The following PLCE1 variants were observed in gnomAD, a reference collection of about 807,000 sequenced individuals.
The protein encoded by PLCE1 is 1-phosphatidylinositol 4,5-bisphosphate phosphodiesterase epsilon-1.
PLCE1 carries 119 observed loss-of-function variants against 242.8 expected under a neutral mutation model. That is an observed-to-expected ratio of 0.49 (90% confidence interval 0.42 to 0.57). The LOEUF is 0.57. Ranked by LOEUF, PLCE1 falls within the 20% of genes least tolerant of loss-of-function variation. PLCE1 has a pLI of 0.00. For missense variants in PLCE1, 2,441 were observed against 2,788.8 expected (o/e 0.88, Z 2.81); for synonymous variants, 945 against 1,017.4 (o/e 0.93, Z 1.35).
chr10:94,040,351 A>G (rs1258986613), intron 2 of PLCE1, among the ~76,000 whole-genome samples: 1 of 152,122 alleles, frequency 6.6e-6, no homozygotes, highest in Non-Finnish European at 1.5e-5. Context: ...CTTTCTGCCT[A>G]AATGTTGTTA....
At position 94,031,234 on chromosome 10, in the gene PLCE1, A is replaced by T; in HGVS notation, c.188A>T (p.Glu63Val). ...TCACAACTGAACAAACTTAAAGAAG[A>T]ACCTTCTGGAAGCAACTTGCCAAAG... ...TISQLNKLKE[E>V]PSGSNLPKIL... The change falls in exon 2 of 33, where the codon GAA (glutamate) becomes GTA (valine). Residue 63 changes from glutamate to valine, a missense_variant. By Grantham distance (121) the Glu-to-Val change is moderately radical. Transcript: ENST00000371380. 1 of 1,613,850 alleles carries T rather than the reference A, an allele frequency of 6.2e-7. No individual in the cohort carries two copies. The highest frequency in any genetic ancestry group is 8.5e-7 in the Non-Finnish European group (1 of 1,179,850).
Position 94,262,554 on chromosome 10 carries a change from C to G in PLCE1, c.3875C>G (p.Ser1292Trp). The G allele has an allele frequency of 6.2e-7, 1 of 1,614,042 alleles. No individual in the cohort carries two copies. ...GLFIKSKQQL[S>W]DNQRQISDAI... ...TTCATTAAGAGTAAACAGCAGCTAT[C>G]GGACAACCAGAGGCAGATATCTGAT... is the stretch of plus-strand genomic sequence containing the variant. Residue 1292 changes from serine (S) to tryptophan (W), a missense_variant, in exon 14 of 33, where the codon TCG becomes TGG. Ser to Trp is a radical substitution (Grantham distance 177). Around this residue, in one of 5 missense-constraint regions of PLCE1, gnomAD observed 1,004 missense variants for 1,322.7 expected, o/e 0.76. Coordinates refer to ENST00000371380, the MANE Select transcript of PLCE1 (RefSeq NM_016341.4).
chr10:94,032,323 C>A, intron 2 of PLCE1, 71 bp downstream of exon 2: 1 of 1,377,304 alleles, frequency 7.3e-7, no homozygotes, highest in Non-Finnish European at 1.0e-6. Context: ...TCCAAATTTC[C>A]ATTGTCATAA....
rs1426341472 is a variant in PLCE1 at position 94,081,787 on chromosome 10, G to A, written c.1206+49535G>A. On this transcript the variant is annotated intron_variant, in intron 2 of 32. Coordinates refer to ENST00000371380, the MANE Select transcript of PLCE1 (RefSeq NM_016341.4). ...TCATACAGCTAGGAGGTAATTAACA[G>A]AGTCTGGGGTCAAACCCCAGTCCCA... 2.6e-5 allele frequency among the ~76,000 whole-genome samples: 4 copies of A among 152,310 alleles called. No individual in the cohort carries two copies. The East Asian group carries it at 5.8e-4, about 22-fold the overall frequency.
At chr10:94,267,153 T>C (rs1447942292) in intron 16 of PLCE1, among the ~76,000 whole-genome samples, 2 of 152,236 alleles carry the variant, frequency 1.3e-5, no homozygotes, top group Non-Finnish European at 2.9e-5. Context: ...ATATTTCATA[T>C]ACACATTTGT....
At chr10:94,102,158 G>T (rs1446473229) in intron 2 of PLCE1, among the ~76,000 whole-genome samples, 1 of 152,180 alleles carries the variant, frequency 6.6e-6, no homozygotes, top group Non-Finnish European at 1.5e-5. Flanking sequence ...CAAGCATTAG[G>T]CTATGCCCAT....
chr10:94,235,968 T>A lies in PLCE1; in HGVS notation c.2268T>A (p.Asn756Lys), dbSNP rs768199585. ...ATTTCTTACAACGAGTGGGACAAAA[T>A]GGCTTAAAGAATTCGGAGAAGGAGT... ...QDNFLQRVGQ[N>K]GLKNSEKEST... The change falls in exon 7 of 33, where the codon AAT (asparagine) becomes AAA (lysine). Residue 756 changes from asparagine (N) to lysine (K), a missense_variant. Around this residue, in one of 5 missense-constraint regions of PLCE1, gnomAD observed 733 missense variants for 754.2 expected, o/e 0.97. Transcript: ENST00000371380. The A allele has an allele frequency of 1.9e-6, 3 of 1,613,932 alleles. No individual in the cohort carries two copies.
intron 29 of PLCE1, among the ~76,000 whole-genome samples, chr10:94,319,639 C>T (rs2053706517): frequency 6.6e-6 from 1 of 152,120 alleles, no homozygotes; most frequent in Non-Finnish European, 1.5e-5. Flanking sequence ...CTTCTGTAAA[C>T]CTCACTGCCC....
At chr10:94,165,289 T>C (rs1198451831) in intron 3 of PLCE1, among the ~76,000 whole-genome samples, 1 of 152,218 alleles carries the variant, frequency 6.6e-6, no homozygotes, top group Non-Finnish European at 1.5e-5. Context: ...CAGTTCGAGC[T>C]TCCCGGCTGC....
intron 4 of PLCE1, among the ~76,000 whole-genome samples, chr10:94,216,500 G>A (rs1254958794): frequency 6.6e-6 from 1 of 152,178 alleles, no homozygotes; most frequent in Non-Finnish European, 1.5e-5. Context: ...CTGGAGTGAA[G>A]GGGCTGCAGG....
chr10:94,066,506 G>T (rs1486337483), intron 2 of PLCE1, among the ~76,000 whole-genome samples: 1 of 152,084 alleles, frequency 6.6e-6, no homozygotes, highest in Non-Finnish European at 1.5e-5. Flanking sequence ...AGGTATTAAT[G>T]GAGAGGCAGG....
At chr10:94,179,334 G>T (rs1247843006) in intron 4 of PLCE1, among the ~76,000 whole-genome samples, 1 of 151,958 alleles carries the variant, frequency 6.6e-6, no homozygotes, top group African/African-American at 2.4e-5. Context: ...CCCACACAGG[G>T]CTTTCCTCAC....
intron 4 of PLCE1, among the ~76,000 whole-genome samples, chr10:94,212,194 C>T (rs2049358758): frequency 6.6e-6 from 1 of 152,324 alleles, no homozygotes; most frequent in Non-Finnish European, 1.5e-5. Context: ...TCAAACGATT[C>T]TCCTGCCTCA....
At chr10:94,071,098 G>T (rs1490691953) in intron 2 of PLCE1, among the ~76,000 whole-genome samples, 1 of 152,176 alleles carries the variant, frequency 6.6e-6, no homozygotes, top group Non-Finnish European at 1.5e-5. Flanking sequence ...CTGATAGATA[G>T]TAAGTGCTGC....
intron 2 of PLCE1, among the ~76,000 whole-genome samples, chr10:94,063,287 A>G (rs1564657028): frequency 6.6e-6 from 1 of 151,946 alleles, no homozygotes; most frequent in Non-Finnish European, 1.5e-5. Flanking sequence ...GAAAGGGGGG[A>G]ATTTTACTTT....
At chr10:94,185,072 C>T (rs867822746) in intron 4 of PLCE1, among the ~76,000 whole-genome samples, 1 of 152,120 alleles carries the variant, frequency 6.6e-6, no homozygotes, top group African/African-American at 2.4e-5. Context: ...TCAAGGCATA[C>T]AAGACATAAA....
At chr10:94,038,634 G>T (rs181101739) in intron 2 of PLCE1, among the ~76,000 whole-genome samples, 1 of 152,292 alleles carries the variant, frequency 6.6e-6, no homozygotes, top group East Asian at 1.9e-4. Context: ...GATAGGGAAA[G>T]CCAGTCCTTT....
At chr10:94,244,684 G>C (rs1211130783) in intron 7 of PLCE1, among the ~76,000 whole-genome samples, 1 of 152,032 alleles carries the variant, frequency 6.6e-6, no homozygotes, top group Non-Finnish European at 1.5e-5. Context: ...ATTTCCCAAG[G>C]AGTGTCCTTT....
chr10:94,087,548 T>C (rs900229335), intron 2 of PLCE1, among the ~76,000 whole-genome samples: 3 of 151,794 alleles, frequency 2.0e-5, no homozygotes, highest in Admixed American at 6.6e-5. Context: ...GTTATCCTCC[T>C]ACCTCAGCCT....
Sources: gnomAD v4.1 joint callset for allele counts (sites outside exome capture counted in the v4.1 genomes callset) on GRCh38, gnomAD v4.1.1 for gene constraint, gnomAD v4.1.1 regional missense constraint, MANE v1.5 for transcripts, NCBI Gene and HGNC (gene_info 2026-07-23, HGNC 2026-07-21) for gene names.